The following DNAH14 variants were observed in gnomAD, a reference collection of about 807,000 sequenced individuals.
DNAH14 encodes axonemal beta dynein heavy chain 14.
DNAH14 carries 478 observed loss-of-function variants against 520.9 expected under a neutral mutation model. That is an observed-to-expected ratio of 0.92 (90% confidence interval 0.85 to 0.99). The LOEUF (loss-of-function observed/expected upper bound fraction) is 0.99, where lower values mean the gene tolerates loss of function less well. DNAH14 is among the 50% of genes least tolerant of loss of function. DNAH14 has a pLI of 0.00. For synonymous variants in DNAH14, 1,581 were observed against 1,757.2 expected, an observed-to-expected ratio of 0.90 and a Z score of 2.51; for missense variants, 4,831 against 5,234.5, an observed-to-expected ratio of 0.92 and a Z score of 2.38.
chr1:225,358,611 G>A lies in DNAH14; in HGVS notation c.11735G>A (p.Gly3912Glu), dbSNP rs2095458040. ...TGVNLKDAYK[G>E]SNARTPLILI... ...GTTAATTTGAAAGATGCATATAAAG[G>A]ATCCAATGCCAGAACTCCGCTGATA... The change falls in exon 74 of 86, where the codon GGA (glycine) becomes GAA (glutamate). Residue 3912 changes from glycine (G) to glutamate (E), a missense_variant. Coordinates refer to ENST00000682510, the MANE Select transcript of DNAH14 (RefSeq NM_001367479.1). 1.3e-6 allele frequency: 2 copies of A among 1,547,834 alleles called. No individual in the cohort carries two copies. The highest frequency in any genetic ancestry group is 1.2e-5 in the South Asian group (1 of 82,896).
intron 35 of DNAH14, among the ~76,000 whole-genome samples, chr1:225,163,134 T>C (rs1222589029): frequency 2.4e-5 from 2 of 84,012 alleles, no homozygotes; most frequent in Non-Finnish European, 4.1e-5. Flanking sequence ...TAAGACCCTA[T>C]CTCAAAAAAA....
At chr1:225,110,516 G>T (rs2076401042) in intron 23 of DNAH14, among the ~76,000 whole-genome samples, 6 of 151,508 alleles carry the variant, frequency 4.0e-5, no homozygotes. Context: ...GGTACTGGTT[G>T]TCATGTCTCC....
chr1:225,218,768 A>C (rs1428623813), intron 41 of DNAH14, among the ~76,000 whole-genome samples: 2 of 152,190 alleles, frequency 1.3e-5, no homozygotes, highest in Non-Finnish European at 2.9e-5. Context: ...AAAATTCACA[A>C]GGATATCCAG....
chr1:225,017,143 G>A (rs1290833594), intron 10 of DNAH14, among the ~76,000 whole-genome samples: 1 of 152,158 alleles, frequency 6.6e-6, no homozygotes, highest in East Asian at 1.9e-4. Flanking sequence ...TATGTTGGAG[G>A]ATGATCCCTT....
At chr1:225,294,971 A>G (rs2150029131) in intron 55 of DNAH14, among the ~76,000 whole-genome samples, 1 of 151,924 alleles carries the variant, frequency 6.6e-6, no homozygotes, top group Admixed American at 6.6e-5. Flanking sequence ...CAGGTTTTCT[A>G]TTTCTTCTTG....
intron 1 of DNAH14, among the ~76,000 whole-genome samples, chr1:224,951,749 C>A (rs1437660126): frequency 6.8e-6 from 1 of 147,284 alleles, no homozygotes; most frequent in African/African-American, 2.6e-5. Context: ...CTCCCAGGTT[C>A]ACACCATTCT....
At chr1:225,270,074 A>G (rs1200629441) in intron 49 of DNAH14, among the ~76,000 whole-genome samples, 1 of 152,180 alleles carries the variant, frequency 6.6e-6, no homozygotes, top group Non-Finnish European at 1.5e-5. Context: ...AACCAACCCA[A>G]ATGTCCATCA....
intron 36 of DNAH14, among the ~76,000 whole-genome samples, chr1:225,175,162 T>G (rs568408356): frequency 1.3e-5 from 2 of 152,318 alleles, no homozygotes; most frequent in South Asian, 4.1e-4. Flanking sequence ...TTATCTGGTG[T>G]TGATATCAGA....
intron 38 of DNAH14, among the ~76,000 whole-genome samples, chr1:225,193,454 C>T (rs2085709912): frequency 1.3e-5 from 2 of 152,132 alleles, no homozygotes; most frequent in Middle Eastern, 3.2e-3. Context: ...CCTCTGGAGG[C>T]TGAGGCAGTA....
At chr1:225,097,067 A>C (rs979921405) in intron 21 of DNAH14, 51 bp from the exon 22 acceptor site, 7 of 1,433,992 alleles carry the variant, frequency 4.9e-6, no homozygotes. Context: ...ACTCTTAAAG[A>C]ATAATTTTAT....
chr1:225,335,661 ACATATGTG>A lies in DNAH14; in HGVS notation c.10081-1599_10081-1592del, dbSNP rs1234078243. On this transcript the variant is annotated intron_variant, in intron 66 of 85. Transcript: ENST00000682510. Reference sequence around the variant, plus strand: ...TGCATATATGTATATACGCATATATACATATGTGCATATATGTATATACGCATATATAC... The same window carrying A: ...TGCATATATGTATATACGCATATATACATATATGTATATACGCATATATAC... Among the ~76,000 whole-genome samples, 3 of 118,964 alleles carry A rather than the reference ACATATGTG, an allele frequency of 2.5e-5. 1 individual carries two copies. The highest frequency in any genetic ancestry group is 7.1e-5 in the African/African-American group (2 of 27,982). The allele number at this position is 118,964 out of a possible 152,430, so 78.0% of individuals were successfully genotyped here.
At chr1:224,997,747 G>A (rs766151398) in intron 8 of DNAH14, among the ~76,000 whole-genome samples, 2 of 151,174 alleles carry the variant, frequency 1.3e-5, no homozygotes, top group African/African-American at 2.4e-5. Context: ...TCAGATTATC[G>A]ATTTTTTAAA....
intron 66 of DNAH14, among the ~76,000 whole-genome samples, chr1:225,335,968 T>C (rs982439982): frequency 6.8e-6 from 1 of 146,234 alleles, no homozygotes; most frequent in Non-Finnish European, 1.5e-5. Context: ...CATATACATA[T>C]ATGTACATAT....
chr1:225,346,278 G>A lies in DNAH14; in HGVS notation c.10995G>A (p.Glu3665=), dbSNP rs753823226. The change falls in exon 70 of 86, where the codon GAG becomes GAA. Residue 3665 remains glutamate (E), a synonymous_variant. Transcript: ENST00000682510. ...REKVSPKEVH[E]FISISKEPNL... The stretch of plus-strand genomic sequence containing the variant: ...AAGTGTCTCCAAAAGAAGTTCATGA[G>A]TTTATAAGTATTTCAAAAGAACCCA... The A allele has an allele frequency of 2.0e-4, 317 of 1,549,362 alleles. No individual in the cohort carries two copies. Among genetic ancestry groups the A allele is most frequent in the Non-Finnish European group, 2.6e-4 (293 of 1,146,432 alleles).
chr1:225,023,489 G>C (rs2065873925), intron 10 of DNAH14, 126 bp from the exon 11 acceptor site: 1 of 654,578 alleles, frequency 1.5e-6, no homozygotes, highest in Non-Finnish European at 2.4e-6. Flanking sequence ...TTTTGCTTGA[G>C]GTATTAAAAT....
At chr1:225,318,906 T>G (rs2094512282) in intron 61 of DNAH14, among the ~76,000 whole-genome samples, 1 of 152,188 alleles carries the variant, frequency 6.6e-6, no homozygotes, top group Admixed American at 6.5e-5. Flanking sequence ...CATACCAGTA[T>G]TTTTTGTATC....
At chr1:224,945,802 G>A (rs2059776087) in intron 1 of DNAH14, among the ~76,000 whole-genome samples, 2 of 152,302 alleles carry the variant, frequency 1.3e-5, no homozygotes, top group African/African-American at 4.8e-5. Context: ...CCACAGAACA[G>A]CGGATATTGG....
chr1:225,249,733 G>A (rs186492035), intron 43 of DNAH14, among the ~76,000 whole-genome samples: 8 of 152,126 alleles, frequency 5.3e-5, no homozygotes, highest in East Asian at 3.9e-4. Flanking sequence ...TATGATCTCC[G>A]TTCCCATTTA....
At chr1:224,947,394 A>G (rs1160844717) in intron 1 of DNAH14, among the ~76,000 whole-genome samples, 3 of 151,948 alleles carry the variant, frequency 2.0e-5, no homozygotes, top group Non-Finnish European at 4.4e-5. Context: ...TTATTCTTCT[A>G]TATAAATTTT....
Sources: gnomAD v4.1 joint callset for allele counts (sites outside exome capture counted in the v4.1 genomes callset) on GRCh38, gnomAD v4.1.1 for gene constraint, MANE v1.5 for transcripts, NCBI Gene and HGNC (gene_info 2026-07-23, HGNC 2026-07-21) for gene names.